The following AKR7A2 variants were observed in gnomAD, a reference collection of about 807,000 sequenced individuals.
AKR7A2 encodes the protein aldo-keto reductase family 7 member A2.
A neutral mutation model predicts 37.3 loss-of-function variants in AKR7A2; 29 were observed. That is an observed-to-expected ratio of 0.78 (90% CI 0.58 to 1.06). The LOEUF (loss-of-function observed/expected upper bound fraction) is 1.06. Ranked by LOEUF, AKR7A2 falls within the 50% of genes least tolerant of loss-of-function variation. The probability of loss-of-function intolerance (pLI) is 0.00; values close to 1 mark genes in which losing one functional copy is unlikely to be tolerated. For synonymous variants in AKR7A2, 228 were observed against 217.8 expected, an observed-to-expected ratio of 1.05 and a Z score of -0.41; for missense variants, 529 against 497.9, an observed-to-expected ratio of 1.06 and a Z score of -0.59.
In AKR7A2 at chr1:19,308,574, G is replaced by A. The variant is rs141532320; in HGVS notation, c.367C>T (p.Leu123=). The A allele has an allele frequency of 6.2e-7, 1 of 1,614,202 alleles. No individual in the cohort carries two copies. The highest frequency in any genetic ancestry group is 1.7e-5 in the Admixed American group (1 of 60,022). The part of the protein sequence containing the change: ...SLKPDSVRSQ[L]ETSLKRLQCP... ...TGCAGCCTCTTCAATGACGTCTCCA[G>A]CTGGGACCGGACACTGTCAGGCTTT... Residue 123 remains leucine, a synonymous_variant, in exon 2 of 7, where the codon CTG becomes TTG. Coordinates refer to ENST00000235835, the MANE Select transcript of AKR7A2 (RefSeq NM_003689.4).
At position 19,304,218 on chromosome 1, in the gene AKR7A2, G is replaced by A. The variant is rs566024349; in HGVS notation, c.*7C>T. 46 of 1,614,242 alleles carry A rather than the reference G, an allele frequency of 2.8e-5. No individual in the cohort carries two copies. The South Asian group carries it at 4.3e-4, about 15-fold the overall frequency. On this transcript the variant is annotated 3_prime_UTR_variant, in exon 7 of 7. Transcript: ENST00000235835. ...AAAAGCCTTGGGCAGCCTGAGCCAT[G>A]ATGGGCCTAGCGGAAGTAGTTGGGA...
intron 1 of AKR7A2, among the ~76,000 whole-genome samples, chr1:19,311,088 C>T (rs1569701240): frequency 6.6e-6 from 1 of 152,226 alleles, no homozygotes; most frequent in South Asian, 2.1e-4. Flanking sequence ...ACCATTGAGC[C>T]TTTAAGGCTG....
intron 1 of AKR7A2, among the ~76,000 whole-genome samples, chr1:19,310,765 C>A (rs1457732996): frequency 6.6e-6 from 1 of 151,900 alleles, no homozygotes; most frequent in Non-Finnish European, 1.5e-5. Flanking sequence ...TTCCCCCCGA[C>A]CCCCCAAGCG....
chr1:19,309,312 C>A (rs192826424), intron 1 of AKR7A2, among the ~76,000 whole-genome samples: 1 of 152,274 alleles, frequency 6.6e-6, no homozygotes, highest in East Asian at 1.9e-4. Context: ...CAGATTTTGT[C>A]AGGGTGTGAA....
Position 19,306,567 on chromosome 1 carries a change from G to A in AKR7A2, c.789-420C>T, listed in dbSNP as rs542491752. ...TCCTGCCTCAGCCTTCCAAGTAGCT[G>A]GGCTACAGACAGGTGTGCACCACCA... On this transcript the variant is annotated intron_variant, in intron 5 of 6. Coordinates refer to ENST00000235835, the MANE Select transcript of AKR7A2 (RefSeq NM_003689.4). 5.3e-5 allele frequency among the ~76,000 whole-genome samples: 8 copies of A among 152,012 alleles called. No homozygotes were observed. The South Asian group carries it at 8.3e-4, about 16-fold the overall frequency.
rs751691192 is a variant in AKR7A2 at position 19,308,110 on chromosome 1, A to T, written c.591+48T>A. ...GTCAGGGGGGCAAAGAGAGCCCAGG[A>T]TTAGCAGGAGTCCTGGAGACCTTGG... On this transcript the variant is annotated intron_variant, in intron 3 of 6. Coordinates refer to ENST00000235835, the MANE Select transcript of AKR7A2 (RefSeq NM_003689.4). 9 of 1,611,890 alleles carry T rather than the reference A, an allele frequency of 5.6e-6. No homozygotes were observed. In the African/African-American group the frequency reaches 9.4e-5, roughly 17 times the overall value.
rs2093765677 is a variant in AKR7A2 at position 19,308,282 on chromosome 1, G to C, written c.487-20C>G. On this transcript the variant is annotated intron_variant, in intron 2 of 6. Transcript: ENST00000235835. ...CTTGCCCTGCATGGGTGAGGCTCCA[G>C]TCAGAACGCAGTGTAGCCCAGACCA... 1 of 1,614,044 alleles carries C rather than the reference G, an allele frequency of 6.2e-7. No individual in the cohort carries two copies. The highest frequency in any genetic ancestry group is 1.1e-5 in the South Asian group (1 of 91,082).
At chr1:19,303,290 G>A (rs922901748), downstream of AKR7A2, among the ~76,000 whole-genome samples, 18 of 152,092 alleles carry the variant, frequency 1.2e-4, no homozygotes, top group African/African-American at 4.1e-4. Context: ...AAATATAAAT[G>A]AAAAAGTAAA....
chr1:19,311,239 G>C (rs1270202015), intron 1 of AKR7A2, among the ~76,000 whole-genome samples: 1 of 152,104 alleles, frequency 6.6e-6, no homozygotes, highest in African/African-American at 2.4e-5. Flanking sequence ...TGGAGGGCTG[G>C]AATCACTTTC....
At chr1:19,308,740 A>T in intron 1 of AKR7A2, 98 bp from the exon 2 acceptor site, 1 of 1,206,960 alleles carries the variant, frequency 8.3e-7, no homozygotes, top group Non-Finnish European at 1.2e-6. Flanking sequence ...CCTCAATTGT[A>T]TGATCTGTAA....
chr1:19,307,131 C>A (rs770988259), intron 4 of AKR7A2, 30 bp from the exon 5 acceptor site: 1 of 1,611,640 alleles, frequency 6.2e-7, no homozygotes, highest in South Asian at 1.1e-5. Context: ...AGCCCCTGGC[C>A]CCAGAGTGCC....
At chr1:19,310,539 A>T (rs1225791163) in intron 1 of AKR7A2, among the ~76,000 whole-genome samples, 1 of 152,090 alleles carries the variant, frequency 6.6e-6, no homozygotes, top group Non-Finnish European at 1.5e-5. Context: ...CTCTACTAAA[A>T]ATACAAAAAT....
At position 19,308,526 on chromosome 1, in the gene AKR7A2, A is replaced by C. The variant is rs1226537133; in HGVS notation, c.415T>G (p.Tyr139Asp). Residue 139 changes from tyrosine (Y) to aspartate (D), a missense_variant, in exon 2 of 7, where the codon TAC becomes GAC. Physicochemically the swap from Tyr to Asp is radical, Grantham distance 160. Transcript: ENST00000235835. ...GTGCCGTGGTCAGGTGCGTGTAGGT[A>C]GAAGAGGTCCACTTGGGGACACTGC... ...RLQCPQVDLFYLHAPDHGTPV... is the reference protein window; with the variant it reads ...RLQCPQVDLFDLHAPDHGTPV... 1 of 1,614,074 alleles carries C rather than the reference A, an allele frequency of 6.2e-7. No homozygotes were observed. The highest frequency in any genetic ancestry group is 8.5e-7 in the Non-Finnish European group (1 of 1,180,040).
rs566024349 is a variant in AKR7A2 at position 19,304,218 on chromosome 1, G to C, written c.*7C>G. On this transcript the variant is annotated 3_prime_UTR_variant, in exon 7 of 7. Coordinates refer to ENST00000235835, the MANE Select transcript of AKR7A2 (RefSeq NM_003689.4). ...AAAAGCCTTGGGCAGCCTGAGCCAT[G>C]ATGGGCCTAGCGGAAGTAGTTGGGA... The C allele has an allele frequency of 6.2e-7, 1 of 1,614,242 alleles. No homozygotes were observed. Among genetic ancestry groups the C allele is most frequent in the Non-Finnish European group, 8.5e-7 (1 of 1,180,048 alleles).
Position 19,307,991 on chromosome 1 carries a change from G to C in AKR7A2, c.591+167C>G, listed in dbSNP as rs116001511. On this transcript the variant is annotated intron_variant, in intron 3 of 6. Coordinates refer to ENST00000235835, the MANE Select transcript of AKR7A2 (RefSeq NM_003689.4). ...AAGGAAGCAGATGCCCAGTGGCCAG[G>C]CTGAGGAGCTTGAATGGCATCCTGA... The C allele has an allele frequency of 2.0e-3, 1,696 of 853,912 alleles. 18 individuals are homozygous for C. In the African/African-American group the frequency reaches 0.025, roughly 13 times the overall value. The allele number at this position is 853,912 out of a possible 1,614,324, so 52.9% of individuals were successfully genotyped here. A position where few individuals can be genotyped will look rare whatever the true frequency, so the allele number is the denominator to read the frequency against.
chr1:19,308,023 A>G (rs112690931), intron 3 of AKR7A2, 135 bp downstream of exon 3: 1 of 1,140,426 alleles, frequency 8.8e-7, no homozygotes, highest in African/African-American at 1.5e-5. Flanking sequence ...CTGAGGGTAC[A>G]TGGGAGCCAT....
In AKR7A2 at chr1:19,307,013, G is replaced by C; in HGVS notation, c.777C>G (p.Thr259=). ...GRFFGNSWAE[T]YRNRFWKEHH... ...CACCCCCGGCTCACCGATTCCTGTA[G>C]GTCTCAGCCCAGCTATTCCCAAAGA... Residue 259 remains threonine, a synonymous_variant, in exon 5 of 7, where the codon ACC becomes ACG. Coordinates refer to ENST00000235835, the MANE Select transcript of AKR7A2 (RefSeq NM_003689.4). 6 of 1,614,070 alleles carry C rather than the reference G, an allele frequency of 3.7e-6. No individual in the cohort carries two copies. Among genetic ancestry groups the C allele is most frequent in the Non-Finnish European group, 5.1e-6 (6 of 1,179,990 alleles).
chr1:19,303,647 T>C (rs2093755941), downstream of AKR7A2, among the ~76,000 whole-genome samples: 1 of 152,232 alleles, frequency 6.6e-6, no homozygotes, highest in African/African-American at 2.4e-5. Flanking sequence ...TTCTTCTTCT[T>C]GGTAGTGACT....
At chr1:19,308,305 C>T in intron 2 of AKR7A2, 43 bp from the exon 3 acceptor site, 1 of 1,613,432 alleles carries the variant, frequency 6.2e-7, no homozygotes, top group Non-Finnish European at 8.5e-7. Context: ...GTAGCCCAGA[C>T]CAGGAAGGGG....
Sources: allele counts gnomAD v4.1 joint callset (sites outside exome capture counted in the v4.1 genomes callset), GRCh38; gene constraint gnomAD v4.1.1; transcripts MANE v1.5; gene names NCBI Gene and HGNC (gene_info 2026-07-23, HGNC 2026-07-21).